CDK14: variants seen among roughly 807,000 people sequenced by gnomAD.
CDK14 encodes cyclin dependent kinase 14.
Under a neutral mutation model 60.7 loss-of-function variants are expected in CDK14, and 34 were observed. That is an observed-to-expected ratio of 0.56 (90% CI 0.43 to 0.75). The LOEUF (loss-of-function observed/expected upper bound fraction) is 0.75. Among genes scored for constraint, CDK14 ranks in the 30% least tolerant of loss-of-function variants. CDK14 has a pLI of 0.00. For synonymous variants in CDK14, 197 were observed against 203.7 expected (o/e 0.97, Z 0.28); for missense variants, 482 against 564.1 (o/e 0.85, Z 1.47).
chr7:90,623,269 G>C (rs1799811079), intron 2 of CDK14, among the ~76,000 whole-genome samples: 1 of 152,084 alleles, frequency 6.6e-6, no homozygotes, highest in African/African-American at 2.4e-5. Context: ...TGAAAGAGTG[G>C]ATCTGTGCCC....
At chr7:91,041,563 GCACA>G (rs1429989652) in intron 10 of CDK14, among the ~76,000 whole-genome samples, 1 of 152,078 alleles carries the variant, frequency 6.6e-6, no homozygotes, top group Non-Finnish European at 1.5e-5. Context: ...GACTCACTAT[GCACA>G]CACACAAAGA....
intron 5 of CDK14, among the ~76,000 whole-genome samples, chr7:90,794,432 T>C (rs1805967555): frequency 6.6e-6 from 1 of 152,176 alleles, no homozygotes; most frequent in African/African-American, 2.4e-5. Context: ...TTTCATCCCT[T>C]GTCTACAACT....
chr7:91,112,516 C>A (rs201691110), intron 12 of CDK14, 26 bp from the exon 13 acceptor site: 1 of 1,603,880 alleles, frequency 6.2e-7, no homozygotes, highest in Non-Finnish European at 8.5e-7. Context: ...TTTGGTCTGA[C>A]CTCTCTTTTT....
chr7:91,176,046 C>T (rs1211227552), intron 14 of CDK14, among the ~76,000 whole-genome samples: 1 of 151,922 alleles, frequency 6.6e-6, no homozygotes, highest in African/African-American at 2.4e-5. Flanking sequence ...CAAAATTGAC[C>T]ACATACTTGG....
At chr7:90,960,893 G>A (rs1043961912) in intron 9 of CDK14, among the ~76,000 whole-genome samples, 4 of 152,058 alleles carry the variant, frequency 2.6e-5, no homozygotes, top group Non-Finnish European at 5.9e-5. Context: ...TGAGACTTGA[G>A]TAATAATAAT....
intron 5 of CDK14, among the ~76,000 whole-genome samples, chr7:90,819,437 T>C (rs1789466640): frequency 2.0e-5 from 3 of 152,092 alleles, no homozygotes; most frequent in African/African-American, 7.2e-5. Context: ...CTATTTTAGA[T>C]AACTCATGTT....
chr7:91,121,953 C>A (rs558466405), intron 14 of CDK14, among the ~76,000 whole-genome samples: 1 of 152,296 alleles, frequency 6.6e-6, no homozygotes, highest in Admixed American at 6.5e-5. Flanking sequence ...GCTTAATTTT[C>A]CACTTACTCT....
intron 3 of CDK14, among the ~76,000 whole-genome samples, chr7:90,731,806 G>C (rs1299504471): frequency 2.6e-5 from 4 of 152,032 alleles, no homozygotes; most frequent in Admixed American, 1.3e-4. Context: ...TTGACTTCCT[G>C]TTTTCCTAAT....
intron 10 of CDK14, among the ~76,000 whole-genome samples, chr7:90,992,802 C>G (rs913565844): frequency 6.6e-6 from 1 of 152,120 alleles, no homozygotes; most frequent in Admixed American, 6.5e-5. Flanking sequence ...TTATATGAAG[C>G]ATTTTCTTAC....
intron 11 of CDK14, among the ~76,000 whole-genome samples, chr7:91,046,671 G>T (rs1797247309): frequency 6.6e-6 from 1 of 151,966 alleles, no homozygotes; most frequent in Admixed American, 6.6e-5. Context: ...ATTGTAAAAT[G>T]ATTCTCTTGC....
chr7:91,128,720 G>T (rs1362023205), intron 14 of CDK14, among the ~76,000 whole-genome samples: 2 of 152,070 alleles, frequency 1.3e-5, no homozygotes, highest in African/African-American at 4.8e-5. Context: ...CAAGTTGAAG[G>T]CTCCTGGCCC....
chr7:90,935,289 A>G (rs531529042), intron 8 of CDK14, among the ~76,000 whole-genome samples: 1 of 152,360 alleles, frequency 6.6e-6, no homozygotes, highest in Admixed American at 6.5e-5. Context: ...ATGGCAAGTA[A>G]ATTTCAACAT....
Position 90,837,319 on chromosome 7 carries a change from G to A in CDK14, c.545-25856G>A, listed in dbSNP as rs187548918. Among the ~76,000 whole-genome samples, 175 of 142,584 alleles carry A rather than the reference G, an allele frequency of 1.2e-3. 1 individual carries two copies. Among genetic ancestry groups the A allele is most frequent in the East Asian group, 7.8e-3 (39 of 4,982 alleles). 93.5% of individuals were successfully genotyped at this position (142,584 alleles called of 152,430 possible). The stretch of plus-strand genomic sequence containing the variant: ...TTTTTTTTTTTTGAGATGGAGTCTC[G>A]CTCTATCACCCAGGCTGGAATGCAG... On this transcript the variant is annotated intron_variant, in intron 5 of 14. Transcript: ENST00000380050.
chr7:90,842,806 A>G (rs144356416), intron 5 of CDK14, among the ~76,000 whole-genome samples: 2 of 152,254 alleles, frequency 1.3e-5, no homozygotes. Context: ...GGTACCTGGA[A>G]CCCTAATTTG....
At chr7:91,186,621 C>G (rs901386663) in intron 14 of CDK14, among the ~76,000 whole-genome samples, 4 of 152,110 alleles carry the variant, frequency 2.6e-5, no homozygotes, top group African/African-American at 9.7e-5. Context: ...TGAGTGAACC[C>G]TTCTCTTTGG....
intron 10 of CDK14, among the ~76,000 whole-genome samples, chr7:91,040,976 T>C (rs1224790512): frequency 2.4e-4 from 36 of 152,206 alleles, no homozygotes; most frequent in Admixed American, 2.4e-3. Flanking sequence ...TCTCCTGTTA[T>C]TTGGAGTAGA....
chr7:90,794,070 C>T (rs111536491), intron 5 of CDK14, among the ~76,000 whole-genome samples: 3,156 of 151,846 alleles, frequency 0.021, 96 homozygotes, highest in African/African-American at 0.07. Flanking sequence ...GCTGGGTGTC[C>T]GGGGGAGACA....
At chr7:90,859,855 G>A (rs1273874171) in intron 5 of CDK14, among the ~76,000 whole-genome samples, 1 of 152,010 alleles carries the variant, frequency 6.6e-6, no homozygotes, top group Non-Finnish European at 1.5e-5. Context: ...GGCCACCAGT[G>A]TCAGCAACTA....
intron 4 of CDK14, among the ~76,000 whole-genome samples, chr7:90,775,799 C>T (rs929765128): frequency 1.3e-5 from 2 of 150,220 alleles, no homozygotes; most frequent in Non-Finnish European, 3.0e-5. Flanking sequence ...TGGCTTCCTC[C>T]TTCCCCTTTT....
Sources: allele counts gnomAD v4.1 joint callset (sites outside exome capture counted in the v4.1 genomes callset), GRCh38; gene constraint gnomAD v4.1.1; transcripts MANE v1.5; gene names NCBI Gene and HGNC (gene_info 2026-07-23, HGNC 2026-07-21).